ZNF730: variants seen among roughly 807,000 people sequenced by gnomAD.
ZNF730 encodes the protein putative zinc finger protein 730.
In ZNF730, 12 loss-of-function variants were observed where a neutral mutation model predicts 12.6. That is an observed-to-expected ratio of 0.95 (90% CI 0.61 to 1.54). The LOEUF is 1.54. Among genes scored for constraint, ZNF730 ranks in the 40% most tolerant of loss-of-function variants. ZNF730 has a pLI of 0.00. For missense variants in ZNF730, 643 were observed against 583.5 expected, an observed-to-expected ratio of 1.10 and a Z score of -1.05; for synonymous variants, 194 against 195.8, an observed-to-expected ratio of 0.99 and a Z score of 0.08.
Position 23,146,102 on chromosome 19 carries a change from C to G in ZNF730, c.1058C>G (p.Ser353Ter). 6.2e-7 allele frequency: 1 copy of G among 1,610,344 alleles called. No homozygotes were observed. The highest frequency in any genetic ancestry group is 1.3e-5 in the African/African-American group (1 of 74,912). ...EECGKAFNRS[S>*]TLNRHKITHT... The stretch of plus-strand genomic sequence containing the variant: ...TGTGGCAAAGCTTTTAACCGATCCT[C>G]AACCCTTAATAGACATAAGATAACT... Residue 353 changes from serine (S) to a stop codon, truncating the protein, a stop_gained, in exon 4 of 4, where the codon TCA becomes TGA. Coordinates refer to ENST00000597761, the MANE Select transcript of ZNF730 (RefSeq NM_001277403.2). LOFTEE classifies it low-confidence loss of function (END_TRUNC).
At chr19:23,087,530 G>A (rs898866668) in intron 1 of ZNF730, among the ~76,000 whole-genome samples, 7 of 152,068 alleles carry the variant, frequency 4.6e-5, no homozygotes, top group African/African-American at 7.2e-5. Context: ...GCATATTCTC[G>A]ATATAAGATT....
chr19:23,101,951 G>A (rs1970340321), intron 1 of ZNF730, among the ~76,000 whole-genome samples: 1 of 152,126 alleles, frequency 6.6e-6, no homozygotes, highest in Non-Finnish European at 1.5e-5. Context: ...ATATTTCTAA[G>A]CCCTTCACTC....
intron 1 of ZNF730, among the ~76,000 whole-genome samples, chr19:23,081,564 C>T (rs1356569011): frequency 2.6e-5 from 4 of 152,116 alleles, no homozygotes; most frequent in South Asian, 2.1e-4. Flanking sequence ...AGGTGATCCA[C>T]CCGCCTCGGC....
At chr19:23,134,645 T>G (rs1599597662) in intron 2 of ZNF730, among the ~76,000 whole-genome samples, 13 of 132,228 alleles carry the variant, frequency 9.8e-5, no homozygotes, top group Admixed American at 2.2e-4. Context: ...ATCCAGGAGG[T>G]GAGGGGCGCT....
Position 23,086,045 on chromosome 19 carries a change from G to T in ZNF730, c.-94+10658G>T, listed in dbSNP as rs879560950. Among the ~76,000 whole-genome samples the T allele has an allele frequency of 2.0e-5, 3 of 151,806 alleles. No individual in the cohort carries two copies. In the South Asian group the frequency reaches 6.2e-4, roughly 32 times the overall value. On this transcript the variant is annotated intron_variant, in intron 1 of 2. Transcript: ENST00000593635. ...TTTTTAATAGAGACGGGGTTTCACC[G>T]TCGTGGCCAGGCTGGTCTGGAATTC...
intron 3 of ZNF730, among the ~76,000 whole-genome samples, chr19:23,139,361 G>A (rs932114602): frequency 1.3e-5 from 2 of 151,902 alleles, no homozygotes; most frequent in Non-Finnish European, 2.9e-5. Flanking sequence ...TCTTTTAAAT[G>A]TTTATCAAAA....
At chr19:23,141,956 T>G (rs1346367007) in intron 3 of ZNF730, among the ~76,000 whole-genome samples, 1 of 151,940 alleles carries the variant, frequency 6.6e-6, no homozygotes, top group Non-Finnish European at 1.5e-5. Flanking sequence ...ATACAATAAT[T>G]ATATTGCTCT....
rs764479351 is a variant in ZNF730, at chr19:23,145,223, A to G, written c.227-48A>G. 5.4e-6 allele frequency: 7 copies of G among 1,293,406 alleles called. No homozygotes were observed. The African/African-American group carries it at 1.0e-4, about 19-fold the overall frequency. 80.1% of individuals were successfully genotyped at this position (1,293,406 alleles called of 1,614,324 possible). The stretch of plus-strand genomic sequence containing the variant: ...ACTTTATAGGTTAGGTTTATAAACT[A>G]TACTCAGTCTAGTACATGCAGTAAT... On this transcript the variant is annotated intron_variant, in intron 3 of 3. Coordinates refer to ENST00000597761, the MANE Select transcript of ZNF730 (RefSeq NM_001277403.2).
intron 1 of ZNF730, among the ~76,000 whole-genome samples, chr19:23,087,720 A>G (rs1277828125): frequency 2.6e-5 from 4 of 151,460 alleles, no homozygotes; most frequent in Middle Eastern, 3.2e-3. Flanking sequence ...GGCTCAAGCA[A>G]TTCTCCTGCC....
intron 1 of ZNF730, among the ~76,000 whole-genome samples, chr19:23,081,323 T>G (rs1004175272): frequency 1.3e-5 from 2 of 151,888 alleles, no homozygotes; most frequent in African/African-American, 4.8e-5. Flanking sequence ...TTTTGTTTTT[T>G]GTTTTTCTTT....
intron 1 of ZNF730, among the ~76,000 whole-genome samples, chr19:23,129,205 T>TTAC (rs1316103065): frequency 6.6e-6 from 1 of 152,162 alleles, no homozygotes; most frequent in Admixed American, 6.5e-5. Flanking sequence ...CACAGAGTCC[T>TTAC]TACTGGGGCA....
chr19:23,093,161 A>G (rs1970185589), intron 1 of ZNF730, among the ~76,000 whole-genome samples: 1 of 152,092 alleles, frequency 6.6e-6, no homozygotes, highest in Admixed American at 6.5e-5. Flanking sequence ...TTTTTAGTAG[A>G]TACAGGACTT....
rs1417346839 is a variant in ZNF730 at position 23,093,838 on chromosome 19, C to A, written c.-94+18451C>A. The stretch of plus-strand genomic sequence containing the variant: ...GGAAGGAAGGTTGGCAACTTAGATA[C>A]CAGAGGAACAGCTTCAGGCCACGAG... On this transcript the variant is annotated intron_variant, in intron 1 of 2. Transcript: ENST00000593635. Among the ~76,000 whole-genome samples, 3 of 152,186 alleles carry A rather than the reference C, an allele frequency of 2.0e-5. No homozygotes were observed. The East Asian group carries it at 5.8e-4, about 29-fold the overall frequency.
chr19:23,092,624 T>C (rs1970176756), intron 1 of ZNF730, among the ~76,000 whole-genome samples: 1 of 152,070 alleles, frequency 6.6e-6, no homozygotes, highest in Admixed American at 6.6e-5. Context: ...GGTTTCACCA[T>C]GTTGGCCAGG....
upstream of ZNF730, among the ~76,000 whole-genome samples, chr19:23,115,450 A>G (rs527762254): frequency 4.6e-5 from 7 of 152,296 alleles, no homozygotes; most frequent in African/African-American, 1.4e-4. Context: ...TGAGATATGG[A>G]ATCTGTTTTC....
chr19:23,126,421 G>C (rs1182799958), intron 1 of ZNF730: 2 of 310,806 alleles, frequency 6.4e-6, no homozygotes, highest in Non-Finnish European at 1.3e-5. Flanking sequence ...ACATGGTGCT[G>C]CTCCATGCTT....
chr19:23,115,929 A>C (rs1464567268), upstream of ZNF730, among the ~76,000 whole-genome samples: 1 of 152,242 alleles, frequency 6.6e-6, no homozygotes, highest in Non-Finnish European at 1.5e-5. Context: ...GTTGATTACT[A>C]GTTACCTTCT....
At chr19:23,090,103 G>C (rs1421615667) in intron 1 of ZNF730, among the ~76,000 whole-genome samples, 1 of 152,148 alleles carries the variant, frequency 6.6e-6, no homozygotes, top group Non-Finnish European at 1.5e-5. Flanking sequence ...AAAATCAGCT[G>C]GGTGTGGTGG....
chr19:23,117,019 G>A, upstream of ZNF730: 2 of 1,167,338 alleles, frequency 1.7e-6, no homozygotes, highest in Non-Finnish European at 2.2e-6. Context: ...TCCGGGATTT[G>A]GCGCGGCCTT....
Sources: allele counts gnomAD v4.1 joint callset (sites outside exome capture counted in the v4.1 genomes callset), GRCh38; gene constraint gnomAD v4.1.1; transcripts MANE v1.5; gene names NCBI Gene and HGNC (gene_info 2026-07-23, HGNC 2026-07-21).